Variants in NDST3 observed in about 807,000 individuals in gnomAD.
NDST3 encodes bifunctional heparan sulfate N-deacetylase/N-sulfotransferase 3.
In NDST3, 58 loss-of-function variants were observed where a neutral mutation model predicts 96.1. The observed-to-expected ratio is 0.60, with a 90% confidence interval of 0.49 to 0.75. The LOEUF is 0.75. Among genes scored for constraint, NDST3 ranks in the 30% least tolerant of loss-of-function variants. NDST3 has a pLI of 0.00. For missense variants in NDST3, 788 were observed against 1,034.2 expected (o/e 0.76, Z 3.27); for synonymous variants, 333 against 359.7 (o/e 0.93, Z 0.84).
intron 10 of NDST3, among the ~76,000 whole-genome samples, chr4:118,238,691 C>G (rs1167286637): frequency 6.6e-6 from 1 of 152,134 alleles, no homozygotes. Context: ...AAATTTGAAG[C>G]TATACTTGAA....
Position 118,255,832 on chromosome 4 carries a change from T to C in NDST3, c.*120T>C. The stretch of plus-strand genomic sequence containing the variant: ...CTTCAAATGAGAAAAAAGAACAGTT[T>C]CTTCCATGTGCTGGCACGTGGATGA... On this transcript the variant is annotated 3_prime_UTR_variant, in exon 14 of 14. Coordinates refer to ENST00000296499, the MANE Select transcript of NDST3 (RefSeq NM_004784.3). 8.5e-7 allele frequency: 1 copy of C among 1,180,556 alleles called. No homozygotes were observed. Among genetic ancestry groups the C allele is most frequent in the Non-Finnish European group, 1.2e-6 (1 of 867,090 alleles). 73.1% of individuals were successfully genotyped at this position (1,180,556 alleles called of 1,614,324 possible).
At chr4:118,191,427 G>C (rs1737295138) in intron 6 of NDST3, among the ~76,000 whole-genome samples, 1 of 152,218 alleles carries the variant, frequency 6.6e-6, no homozygotes. Context: ...CAGTTTGATA[G>C]GTGGTGATCT....
At chr4:118,136,499 C>A (rs192459193) in intron 4 of NDST3, among the ~76,000 whole-genome samples, 4 of 151,830 alleles carry the variant, frequency 2.6e-5, no homozygotes, top group African/African-American at 7.3e-5. Flanking sequence ...AAAACCAGTA[C>A]GAAAAAAGCA....
intron 6 of NDST3, among the ~76,000 whole-genome samples, chr4:118,203,625 A>G (rs1738241603): frequency 6.6e-6 from 1 of 152,052 alleles, no homozygotes; most frequent in Non-Finnish European, 1.5e-5. Flanking sequence ...TTTCAACTGC[A>G]CTTCTTCAAG....
At chr4:118,228,473 T>G (rs1392697169) in intron 8 of NDST3, among the ~76,000 whole-genome samples, 1 of 152,220 alleles carries the variant, frequency 6.6e-6, no homozygotes, top group East Asian at 1.9e-4. Context: ...CTTGTCCTCT[T>G]AAACTGAATT....
intron 8 of NDST3, among the ~76,000 whole-genome samples, chr4:118,227,889 G>A (rs534911082): frequency 5.2e-4 from 79 of 152,296 alleles, no homozygotes; most frequent in African/African-American, 1.7e-3. Flanking sequence ...TGGGATTACA[G>A]GCGTGAGCCA....
At chr4:118,072,975 T>C (rs1409817629) in intron 2 of NDST3, among the ~76,000 whole-genome samples, 1 of 152,186 alleles carries the variant, frequency 6.6e-6, no homozygotes, top group African/African-American at 2.4e-5. Flanking sequence ...CTGCATTAAT[T>C]GAGATAATCA....
intron 2 of NDST3, among the ~76,000 whole-genome samples, chr4:118,076,366 T>C (rs922816050): frequency 2.0e-5 from 3 of 152,232 alleles, no homozygotes; most frequent in African/African-American, 7.2e-5. Flanking sequence ...GGGGAAACTT[T>C]TGTGGATGAT....
intron 2 of NDST3, among the ~76,000 whole-genome samples, chr4:118,077,603 G>A (rs543037378): frequency 4.6e-5 from 7 of 152,168 alleles, no homozygotes; most frequent in Non-Finnish European, 8.8e-5. Flanking sequence ...CAGGGACCAC[G>A]TTTGGCAGAC....
intron 1 of NDST3, among the ~76,000 whole-genome samples, chr4:118,050,991 C>A (rs767213340): frequency 6.6e-6 from 1 of 152,132 alleles, no homozygotes; most frequent in Admixed American, 6.6e-5. Context: ...CTACAGTAAC[C>A]CAAACAGCAT....
chr4:118,227,057 G>C, intron 8 of NDST3, 75 bp downstream of exon 8: 1 of 988,480 alleles, frequency 1.0e-6, no homozygotes, highest in Non-Finnish European at 1.6e-6. Context: ...GTCACAATAA[G>C]TTCGTAAACT....
intron 6 of NDST3, among the ~76,000 whole-genome samples, chr4:118,160,946 C>G (rs1385064467): frequency 2.0e-5 from 3 of 152,138 alleles, no homozygotes; most frequent in Non-Finnish European, 2.9e-5. Flanking sequence ...GAGAGGTGCT[C>G]TGCTTTTTAG....
At chr4:118,072,358 T>C (rs1727151397) in intron 2 of NDST3, among the ~76,000 whole-genome samples, 1 of 152,170 alleles carries the variant, frequency 6.6e-6, no homozygotes, top group Non-Finnish European at 1.5e-5. Flanking sequence ...TTCCTATTCA[T>C]GAGCACGGAA....
At chr4:118,238,824 A>G (rs1740845034) in intron 10 of NDST3, among the ~76,000 whole-genome samples, 1 of 152,368 alleles carries the variant, frequency 6.6e-6, no homozygotes, top group African/African-American at 2.4e-5. Context: ...CACCTGGGAA[A>G]GGCTGTCGCA....
Position 118,241,987 on chromosome 4 carries a change from T to C in NDST3, c.2290-53T>C. The C allele has an allele frequency of 1.5e-6, 2 of 1,309,576 alleles. 1 individual carries two copies. The highest frequency in any genetic ancestry group is 2.5e-5 in the South Asian group (2 of 81,382). The allele number at this position is 1,309,576 out of a possible 1,614,324, so 81.1% of individuals were successfully genotyped here. On this transcript the variant is annotated intron_variant, in intron 11 of 13. Coordinates refer to ENST00000296499, the MANE Select transcript of NDST3 (RefSeq NM_004784.3). ...AGTTTAGAATGCAGAAATTTTTCAT[T>C]ATACAGTTTACATGTCTTTTTTCAA...
intron 6 of NDST3, among the ~76,000 whole-genome samples, chr4:118,169,747 T>C (rs576410173): frequency 1.3e-5 from 2 of 148,334 alleles, no homozygotes; most frequent in South Asian, 4.3e-4. Context: ...TCAGCCAAGA[T>C]CAGGCCACTG....
At chr4:118,189,621 G>T (rs1737175079) in intron 6 of NDST3, among the ~76,000 whole-genome samples, 1 of 152,052 alleles carries the variant, frequency 6.6e-6, no homozygotes, top group Non-Finnish European at 1.5e-5. Context: ...ATAATTAAAA[G>T]ATTTTTTAAA....
At chr4:118,145,488 G>T (rs1733873465) in intron 6 of NDST3, among the ~76,000 whole-genome samples, 1 of 152,044 alleles carries the variant, frequency 6.6e-6, no homozygotes, top group Non-Finnish European at 1.5e-5. Flanking sequence ...ATGTACAATG[G>T]ATTTATACTA....
intron 12 of NDST3, among the ~76,000 whole-genome samples, chr4:118,252,132 GAAGAA>G: frequency 6.6e-6 from 1 of 152,220 alleles, no homozygotes; most frequent in East Asian, 1.9e-4. Context: ...TTCTAATTGA[GAAGAA>G]AAATGGCAAT....
Sources: allele counts gnomAD v4.1 joint callset (sites outside exome capture counted in the v4.1 genomes callset), GRCh38; gene constraint gnomAD v4.1.1; transcripts MANE v1.5; gene names NCBI Gene and HGNC (gene_info 2026-07-23, HGNC 2026-07-21).